Variants in PAK3 observed in about 807,000 individuals in gnomAD.
PAK3 encodes the protein serine/threonine-protein kinase PAK 3.
In PAK3, 4 loss-of-function variants were observed where a neutral mutation model predicts 41.0. The ratio of observed to expected loss-of-function variants is 0.10; its 90% confidence interval spans 0.05 to 0.22. PAK3 has a LOEUF of 0.22. Ranked by LOEUF, PAK3 falls within the 10% of genes least tolerant of loss-of-function variation. The probability of loss-of-function intolerance (pLI) is 1.00; values close to 1 mark genes in which losing one functional copy is unlikely to be tolerated. For missense variants in PAK3, 205 were observed against 409.9 expected, an observed-to-expected ratio of 0.50 and a Z score of 4.32; for synonymous variants, 146 against 139.6, an observed-to-expected ratio of 1.05 and a Z score of -0.32.
rs1343256430 is a variant in PAK3, at chrX:111,227,222, A to G, written c.*6775A>G. On this transcript the variant is annotated 3_prime_UTR_variant, in exon 18 of 18. Transcript: ENST00000372007. ...AATCTTTTTAAGGATTTTTGTTTTC[A>G]ATATTGTTATTTTAAATTGTGGTTG... The G allele has an allele frequency of 8.9e-6, 1 of 112,189 alleles. No individual in the cohort carries two copies. Among genetic ancestry groups the G allele is most frequent in the East Asian group, 2.8e-4 (1 of 3,618 alleles). The allele number at this position is 112,189 out of a possible 1,213,427, so 9.2% of individuals were successfully genotyped here.
At chrX:110,978,533 C>T (rs2091382653) in intron 1 of PAK3, among the ~76,000 whole-genome samples, 1 of 111,088 alleles carries the variant, frequency 9.0e-6, no homozygotes, top group African/African-American at 3.3e-5. Flanking sequence ...ATGGAATAAA[C>T]CGTAGTTGGT....
intron 1 of PAK3, among the ~76,000 whole-genome samples, chrX:110,980,196 T>C (rs1255215891): frequency 8.9e-6 from 1 of 111,905 alleles, no homozygotes; most frequent in African/African-American, 3.3e-5. Flanking sequence ...TATGATGAGA[T>C]TACACACACT....
At chrX:111,160,404 T>A (rs957043218) in intron 8 of PAK3, among the ~76,000 whole-genome samples, 12 of 111,009 alleles carry the variant, frequency 1.1e-4, no homozygotes, top group Middle Eastern at 4.3e-3. Context: ...TGGAATGTAA[T>A]TTACACTTGA....
At chrX:110,964,796 G>C (rs1292307230) in intron 1 of PAK3, among the ~76,000 whole-genome samples, 4 of 112,263 alleles carry the variant, frequency 3.6e-5, no homozygotes, top group African/African-American at 1.3e-4. Context: ...GGCCCATTTG[G>C]TGTTCTAAGG....
At chrX:111,108,419 A>G (rs2093313211) in intron 4 of PAK3, among the ~76,000 whole-genome samples, 1 of 112,310 alleles carries the variant, frequency 8.9e-6, no homozygotes, top group African/African-American at 3.2e-5. Context: ...ACTGCAGACC[A>G]GTGCTGGTCC....
At chrX:111,096,952 T>C (rs1259934459) in intron 1 of PAK3, among the ~76,000 whole-genome samples, 1 of 105,482 alleles carries the variant, frequency 9.5e-6, no homozygotes, top group Non-Finnish European at 2.0e-5. Context: ...AACGGGCGCC[T>C]TCCCCTCTTT....
intron 16 of PAK3, among the ~76,000 whole-genome samples, chrX:111,202,955 T>A (rs1231621307): frequency 2.7e-5 from 3 of 111,998 alleles, no homozygotes; most frequent in African/African-American, 9.7e-5. Flanking sequence ...GTTATTGGTA[T>A]CACTGCTAAA....
chrX:110,984,853 G>C lies in PAK3; in HGVS notation c.-28+40225G>C, dbSNP rs1199225340. ...CTAAGAACTTTAACAAACAGGCTGG[G>C]TACAGGGGTTCAAGACTGTAATTCC... On this transcript the variant is annotated intron_variant, in intron 1 of 14. Transcript: ENST00000425146. 4.5e-5 allele frequency among the ~76,000 whole-genome samples: 5 copies of C among 110,485 alleles called. No homozygotes were observed. In the East Asian group the frequency reaches 1.1e-3, roughly 25 times the overall value.
intron 1 of PAK3, among the ~76,000 whole-genome samples, chrX:110,954,362 C>T (rs1187543724): frequency 8.9e-6 from 1 of 112,287 alleles, no homozygotes; most frequent in African/African-American, 3.2e-5. Context: ...TTAATTTTCT[C>T]TGCAACTCTG....
At chrX:111,028,405 A>T (rs1350382997) in intron 1 of PAK3, among the ~76,000 whole-genome samples, 11 of 111,303 alleles carry the variant, frequency 9.9e-5, no homozygotes, top group African/African-American at 1.6e-4. Flanking sequence ...AATTAAATTT[A>T]AAAAAGTGAA....
chrX:110,965,030 G>T (rs777040494), intron 1 of PAK3, among the ~76,000 whole-genome samples: 1 of 111,940 alleles, frequency 8.9e-6, no homozygotes, highest in East Asian at 2.8e-4. Context: ...GAACAGGTGC[G>T]GCCGCACTTG....
chrX:111,051,022 A>C lies in PAK3; in HGVS notation c.-27-72055A>C, dbSNP rs1421819295. On this transcript the variant is annotated intron_variant, in intron 1 of 14. Coordinates refer to the PAK3 transcript ENST00000425146. ...CAAGGCTCTGCAGTGGTTCATAGCT[A>C]TAGGAAATGGAACCTAGAACTTAGT... 5.4e-5 allele frequency among the ~76,000 whole-genome samples: 6 copies of C among 111,639 alleles called. No homozygotes were observed. In the East Asian group the frequency reaches 1.7e-3, roughly 32 times the overall value.
chrX:111,208,659 A>G (rs1291286747), intron 16 of PAK3, among the ~76,000 whole-genome samples: 2 of 112,207 alleles, frequency 1.8e-5, no homozygotes, highest in African/African-American at 6.5e-5. Flanking sequence ...AGGCTATTCA[A>G]TCTAGGTTTG....
chrX:111,213,240 G>A (rs925656847), intron 16 of PAK3, among the ~76,000 whole-genome samples: 2 of 111,781 alleles, frequency 1.8e-5, no homozygotes, highest in Non-Finnish European at 3.8e-5. Context: ...AAGTTCTGAG[G>A]AGGACATAAG....
intron 17 of PAK3, chrX:111,217,055 C>A (rs1482951580): frequency 2.7e-6 from 2 of 746,224 alleles, no homozygotes; most frequent in Admixed American, 8.7e-5. Context: ...AACCATTTGT[C>A]CTTTTCACGG....
intron 1 of PAK3, among the ~76,000 whole-genome samples, chrX:111,059,178 G>A (rs1223543183): frequency 8.9e-5 from 4 of 45,120 alleles, no homozygotes; most frequent in African/African-American, 3.2e-4. Flanking sequence ...TTGCTTGTTT[G>A]TTATGTTTTT....
At chrX:111,037,336 C>T (rs754394289) in intron 1 of PAK3, among the ~76,000 whole-genome samples, 6 of 111,895 alleles carry the variant, frequency 5.4e-5, no homozygotes, top group Non-Finnish European at 1.1e-4. Context: ...TTTTTTAAAG[C>T]TTACTGACTC....
intron 16 of PAK3, among the ~76,000 whole-genome samples, chrX:111,206,393 A>C (rs1569466473): frequency 1.8e-5 from 2 of 111,640 alleles, no homozygotes; most frequent in African/African-American, 6.5e-5. Flanking sequence ...CCCCCTCTGC[A>C]ATTCTTAGCA....
At chrX:110,993,388 C>G (rs1251438169) in intron 1 of PAK3, among the ~76,000 whole-genome samples, 1 of 111,131 alleles carries the variant, frequency 9.0e-6, no homozygotes, top group East Asian at 2.8e-4. Flanking sequence ...AATTTTAGCC[C>G]AGTATTCCAA....
Sources: gnomAD v4.1 joint callset for allele counts (sites outside exome capture counted in the v4.1 genomes callset) on GRCh38, gnomAD v4.1.1 for gene constraint, MANE v1.5 for transcripts, NCBI Gene and HGNC (gene_info 2026-07-23, HGNC 2026-07-21) for gene names.